ERC1: variants seen among roughly 807,000 people sequenced by gnomAD.
The protein encoded by ERC1 is ELKS/RAB6-interacting/CAST family member 1.
Under a neutral mutation model 132.0 loss-of-function variants are expected in ERC1, and 56 were observed. The ratio of observed to expected loss-of-function variants is 0.42; its 90% CI spans 0.34 to 0.53. The LOEUF is 0.53. Ranked by LOEUF, ERC1 falls within the 20% of genes least tolerant of loss-of-function variation. The pLI, the probability that ERC1 is intolerant of heterozygous loss-of-function variation, is 0.03. For synonymous variants in ERC1, 478 were observed against 476.1 expected, an observed-to-expected ratio of 1.00 and a Z score of -0.05; for missense variants, 1,202 against 1,349.9, an observed-to-expected ratio of 0.89 and a Z score of 1.72.
chr12:1,205,753 T>A (rs1957300806), intron 12 of ERC1, among the ~76,000 whole-genome samples: 1 of 152,120 alleles, frequency 6.6e-6, no homozygotes, highest in Non-Finnish European at 1.5e-5. Flanking sequence ...TGAAAGCAGT[T>A]GAGTTTTAGT....
chr12:1,212,731 C>A (rs1289716961), intron 12 of ERC1, among the ~76,000 whole-genome samples: 4 of 152,132 alleles, frequency 2.6e-5, no homozygotes, highest in Non-Finnish European at 5.9e-5. Flanking sequence ...GATTGACTCC[C>A]AGGTTACACC....
chr12:1,182,018 T>C lies in ERC1; in HGVS notation c.1969T>C (p.Leu657=), dbSNP rs1358050234. The C allele has an allele frequency of 6.2e-7, 1 of 1,614,070 alleles. No individual in the cohort carries two copies. Among genetic ancestry groups the C allele is most frequent in the South Asian group, 1.1e-5 (1 of 91,072 alleles). ...IDNYKKDLKD[L]KEKVSLLQGD... ...TAACTACAAAAAAGATCTTAAAGAC[T>C]TGAAGGAAAAAGTCAGCCTGTTGCA... is the stretch of plus-strand genomic sequence containing the variant. Residue 657 remains leucine, a synonymous_variant, in exon 10 of 19, where the codon TTG becomes CTG. Coordinates refer to ENST00000360905, the MANE Select transcript of ERC1 (RefSeq NM_178040.4).
At chr12:1,091,130 C>T (rs948336768) in intron 3 of ERC1, among the ~76,000 whole-genome samples, 4 of 152,170 alleles carry the variant, frequency 2.6e-5, no homozygotes, top group Non-Finnish European at 5.9e-5. Context: ...CTCAGGTGAT[C>T]TGCCTGACTC....
intron 15 of ERC1, among the ~76,000 whole-genome samples, chr12:1,295,058 G>T (rs1162515463): frequency 6.6e-6 from 1 of 152,188 alleles, no homozygotes; most frequent in African/African-American, 2.4e-5. Flanking sequence ...CGTGAAGCAG[G>T]CATAGTAAGA....
At chr12:1,121,677 A>ATCTGTGTCTCTATC (rs56044523) in intron 7 of ERC1, among the ~76,000 whole-genome samples, 1 of 8,166 alleles carries the variant, frequency 1.2e-4, no homozygotes, top group African/African-American at 2.2e-4. Context: ...CTCTATCTCT[A>ATCTGTGTCTCTATC]TCTATCTCTA....
chr12:1,239,678 A>T (rs2075671125), intron 13 of ERC1, among the ~76,000 whole-genome samples: 1 of 152,224 alleles, frequency 6.6e-6, no homozygotes. Context: ...TGATTGTGCC[A>T]CTATACTCCA....
intron 17 of ERC1, among the ~76,000 whole-genome samples, chr12:1,441,487 A>G (rs2093153900): frequency 6.6e-6 from 1 of 152,182 alleles, no homozygotes; most frequent in Non-Finnish European, 1.5e-5. Context: ...CCTTCTCAAT[A>G]TGACCATTTA....
intron 3 of ERC1, among the ~76,000 whole-genome samples, chr12:1,103,389 T>A (rs1944894936): frequency 6.6e-6 from 1 of 151,530 alleles, no homozygotes; most frequent in South Asian, 2.1e-4. Flanking sequence ...CATGACAGGG[T>A]TTTCAGCAGA....
intron 15 of ERC1, among the ~76,000 whole-genome samples, chr12:1,324,299 T>C (rs1241051627): frequency 6.6e-6 from 1 of 152,170 alleles, no homozygotes; most frequent in Non-Finnish European, 1.5e-5. Flanking sequence ...GATAATGAAC[T>C]CCAAAGTCTA....
intron 18 of ERC1, among the ~76,000 whole-genome samples, chr12:1,482,328 TC>T (rs2094109449): frequency 6.9e-6 from 1 of 145,384 alleles, no homozygotes; most frequent in Admixed American, 6.8e-5. Context: ...AACCCTGCCT[TC>T]CTTTCTGTCC....
rs543940432 is a variant in ERC1 at position 993,823 on chromosome 12, G to A, written c.-157+2501G>A. ...AGGCTGAGGCAGAAGAATTGCTTGA[G>A]CCTGGGAGGCAGAGGCTGCAGTGAG... On this transcript the variant is annotated intron_variant, in intron 1 of 18. Coordinates refer to ENST00000360905, the MANE Select transcript of ERC1 (RefSeq NM_178040.4). Among the ~76,000 whole-genome samples the A allele has an allele frequency of 1.7e-4, 26 of 152,022 alleles. No individual in the cohort carries two copies. In the East Asian group the frequency reaches 4.3e-3, roughly 25 times the overall value.
chr12:1,187,111 G>A (rs1363895369), intron 11 of ERC1, among the ~76,000 whole-genome samples: 7 of 152,190 alleles, frequency 4.6e-5, no homozygotes, highest in African/African-American at 1.4e-4. Flanking sequence ...GGTGACAGGC[G>A]TGAGCCAGTC....
At chr12:1,279,658 CTTT>C (rs139054168) in intron 14 of ERC1, among the ~76,000 whole-genome samples, 15 of 141,836 alleles carry the variant, frequency 1.1e-4, no homozygotes, top group South Asian at 4.5e-4. Context: ...TCAAAGCAGA[CTTT>C]TTTTTTTTTT....
intron 17 of ERC1, among the ~76,000 whole-genome samples, chr12:1,439,772 G>A (rs1157198169): frequency 6.6e-6 from 1 of 152,134 alleles, no homozygotes; most frequent in African/African-American, 2.4e-5. Flanking sequence ...TATAACTTAC[G>A]GGTCCTGTAA....
At chr12:1,082,836 A>G (rs1942427571) in intron 2 of ERC1, among the ~76,000 whole-genome samples, 1 of 152,080 alleles carries the variant, frequency 6.6e-6, no homozygotes, top group African/African-American at 2.4e-5. Flanking sequence ...ATTCCTGTAG[A>G]TTTCCCATTT....
At position 1,083,521 on chromosome 12, in the gene ERC1, G is replaced by T; in HGVS notation, c.1027G>T (p.Val343Phe). ...TRRLAEAEMH[V>F]HHLESLLEQK... ...ACGACTGGCAGAGGCAGAGATGCACGTTCATCACCTAGAAAGCCTTTTGGA... is the reference window on the plus strand; with the variant it reads ...ACGACTGGCAGAGGCAGAGATGCACTTTCATCACCTAGAAAGCCTTTTGGA... Residue 343 changes from valine (V) to phenylalanine (F), a missense_variant, in exon 3 of 19, where the codon GTT becomes TTT. Val to Phe is a conservative substitution (Grantham distance 50). Transcript: ENST00000360905. The T allele has an allele frequency of 6.2e-7, 1 of 1,613,438 alleles. No homozygotes were observed. The highest frequency in any genetic ancestry group is 1.7e-5 in the Admixed American group (1 of 59,822).
chr12:1,208,067 C>T (rs1173534116), intron 12 of ERC1, among the ~76,000 whole-genome samples: 1 of 152,198 alleles, frequency 6.6e-6, no homozygotes, highest in Non-Finnish European at 1.5e-5. Context: ...TCTCACTTCA[C>T]CTCATAACAA....
At chr12:1,046,177 G>C (rs1971053284) in intron 2 of ERC1, among the ~76,000 whole-genome samples, 1 of 152,130 alleles carries the variant, frequency 6.6e-6, no homozygotes, top group Admixed American at 6.5e-5. Flanking sequence ...TTTATAAGGG[G>C]AAGGTCAATC....
In ERC1 at chr12:1,123,669, C is replaced by T. The variant is rs758572519; in HGVS notation, c.1569+7636C>T. Among the ~76,000 whole-genome samples, 71 of 152,244 alleles carry T rather than the reference C, an allele frequency of 4.7e-4. 1 individual carries two copies. Among genetic ancestry groups the T allele is most frequent in the Middle Eastern group, 6.8e-3 (2 of 294 alleles). On this transcript the variant is annotated intron_variant, in intron 7 of 18. Transcript: ENST00000360905. The stretch of plus-strand genomic sequence containing the variant: ...AGTAGATCAAGAAAATATAACCGTG[C>T]CGATCGATGCACCTAACAGCATGGC...
Sources: allele counts gnomAD v4.1 joint callset (sites outside exome capture counted in the v4.1 genomes callset), GRCh38; gene constraint gnomAD v4.1.1; transcripts MANE v1.5; gene names NCBI Gene and HGNC (gene_info 2026-07-23, HGNC 2026-07-21).